The following RADIL variants were observed in gnomAD, a reference collection of about 807,000 sequenced individuals.
RADIL encodes Rap associating with DIL domain.
RADIL carries 99 observed loss-of-function variants against 97.6 expected under a neutral mutation model. The observed-to-expected ratio is 1.01, with a 90% CI of 0.86 to 1.20. The LOEUF (loss-of-function observed/expected upper bound fraction) is 1.20. Among genes scored for constraint, RADIL ranks in the 50% most tolerant of loss-of-function variants. The pLI, the probability that RADIL is intolerant of heterozygous loss-of-function variation, is 0.00. For synonymous variants in RADIL, 803 were observed against 691.8 expected (o/e 1.16, Z -2.52); for missense variants, 1,765 against 1,498.9 (o/e 1.18, Z -2.93).
chr7:4,865,811 C>T (rs1463152603), intron 2 of RADIL: 9 of 795,740 alleles, frequency 1.1e-5, no homozygotes, highest in East Asian at 2.5e-5. Flanking sequence ...ATGGCAGCAG[C>T]GGAGGCAGAA....
chr7:4,852,822 C>T (rs561744228), intron 2 of RADIL, among the ~76,000 whole-genome samples: 3 of 152,254 alleles, frequency 2.0e-5, no homozygotes, highest in Admixed American at 6.5e-5. Context: ...GGATTACAGG[C>T]GTGAGCCACC....
intron 2 of RADIL, chr7:4,860,380 C>T (rs918742845): frequency 3.7e-6 from 6 of 1,613,854 alleles, no homozygotes; most frequent in African/African-American, 2.7e-5. Context: ...CCATCTCAAA[C>T]ATCTTACTAT....
At position 4,873,849 on chromosome 7, in the gene RADIL, C is replaced by T. The variant is rs1051169221; in HGVS notation, c.535+3756G>A. Among the ~76,000 whole-genome samples the T allele has an allele frequency of 2.0e-4, 31 of 152,244 alleles. No homozygotes were observed. The highest frequency in any genetic ancestry group is 7.2e-4 in the African/African-American group (30 of 41,462). On this transcript the variant is annotated intron_variant, in intron 2 of 14. Coordinates refer to ENST00000399583, the MANE Select transcript of RADIL (RefSeq NM_018059.5). The surrounding 1 kb of genome is among the most constrained non-coding windows in gnomAD (Gnocchi z 4.3). The stretch of plus-strand genomic sequence containing the variant: ...GGTGGGTGTTAGGAAAGCCTCCCCA[C>T]CACGATTCTTCCACGTCACTCCAAC...
At position 4,801,784 on chromosome 7, in the gene RADIL, G is replaced by T; in HGVS notation, c.2711C>A (p.Thr904Lys). The T allele has an allele frequency of 6.2e-7, 1 of 1,610,224 alleles. No homozygotes were observed. The highest frequency in any genetic ancestry group is 8.5e-7 in the Non-Finnish European group (1 of 1,178,988). Reference protein sequence around the residue: ...PPHTDSSCLLTPPSTPLGPEP... With the variant: ...PPHTDSSCLLKPPSTPLGPEP... ...AGGGCCAAGTGGAGTGCTGGGAGGC[G>T]TGAGCAAGCAGGACGAGTCCGTGTG... The change falls in exon 12 of 15, where the codon ACG (threonine) becomes AAG (lysine). Residue 904 changes from threonine to lysine, a missense_variant. By Grantham distance (78) the Thr-to-Lys change is moderately conservative. Transcript: ENST00000399583.
intron 2 of RADIL, among the ~76,000 whole-genome samples, chr7:4,846,499 G>A (rs1397403157): frequency 6.7e-6 from 1 of 148,914 alleles, no homozygotes; most frequent in Non-Finnish European, 1.5e-5. Flanking sequence ...GTCTTTCCTT[G>A]CCATCTAGAA....
intron 2 of RADIL, among the ~76,000 whole-genome samples, chr7:4,856,518 G>C (rs1783834757): frequency 6.6e-6 from 1 of 152,126 alleles, no homozygotes; most frequent in African/African-American, 2.4e-5. Flanking sequence ...CTTAGGGCCT[G>C]TTTTTCAGTT....
In RADIL at chr7:4,801,879, C is replaced by A. The variant is rs1211554666; in HGVS notation, c.2616G>T (p.Arg872Ser). Reference sequence around the variant, plus strand: ...GGGGGGCCTGTGCCCAGGGAGCCCCCCTCAAGGGAAGAGTACGCTCCGGGG... The same window carrying A: ...GGGGGGCCTGTGCCCAGGGAGCCCCACTCAAGGGAAGAGTACGCTCCGGGG... ...EVAPERTLPL[R>S]GAPWAQAPPG... is the part of the protein sequence containing the mutation. The change falls in exon 12 of 15, where the codon AGG becomes AGT. Residue 872 changes from arginine (R) to serine (S), a missense_variant. Physicochemically the swap from Arg to Ser is moderately radical, Grantham distance 110 (BLOSUM62 -1). Coordinates refer to ENST00000399583, the MANE Select transcript of RADIL (RefSeq NM_018059.5). 1 of 1,589,224 alleles carries A rather than the reference C, an allele frequency of 6.3e-7. No individual in the cohort carries two copies. The highest frequency in any genetic ancestry group is 1.1e-5 in the South Asian group (1 of 88,070).
intron 11 of RADIL, among the ~76,000 whole-genome samples, chr7:4,802,423 C>A: frequency 7.0e-6 from 1 of 143,734 alleles, no homozygotes; most frequent in Non-Finnish European, 1.5e-5. Flanking sequence ...TCCCCGGGCA[C>A]CTCGGGGCAC....
At position 4,807,345 on chromosome 7, in the gene RADIL, G is replaced by A. The variant is rs188630485; in HGVS notation, c.2140-1629C>T. On this transcript the variant is annotated intron_variant, in intron 9 of 14. Coordinates refer to ENST00000399583, the MANE Select transcript of RADIL (RefSeq NM_018059.5). ...CTTCAAGAAAGCCTCTGGTTTGCCC[G>A]GGGGTGGTTCTGTTTGATTGTGAGT... 3.3e-3 allele frequency among the ~76,000 whole-genome samples: 505 copies of A among 152,102 alleles called. 3 individuals are homozygous for A. The highest frequency in any genetic ancestry group is 6.8e-3 in the Middle Eastern group (2 of 294).
Position 4,809,816 on chromosome 7 carries a change from G to A in RADIL, c.2140-4100C>T, listed in dbSNP as rs188919778. Among the ~76,000 whole-genome samples the A allele has an allele frequency of 2.0e-5, 3 of 151,936 alleles. No individual in the cohort carries two copies. In the East Asian group the frequency reaches 5.8e-4, roughly 30 times the overall value. On this transcript the variant is annotated intron_variant, in intron 9 of 14. Coordinates refer to ENST00000399583, the MANE Select transcript of RADIL (RefSeq NM_018059.5). ...ATACGTCTCAGCCTCCCGAGTAGCT[G>A]GCTAATTTTTGTATTTTTACACCAC...
intron 5 of RADIL, among the ~76,000 whole-genome samples, chr7:4,831,573 T>G (rs1290609665): frequency 7.5e-6 from 1 of 132,480 alleles, no homozygotes; most frequent in Admixed American, 7.4e-5. Context: ...ATTGTGAAGA[T>G]TCTCAAAAAA....
At chr7:4,823,628 G>A (rs574258817) in intron 5 of RADIL, among the ~76,000 whole-genome samples, 6 of 152,182 alleles carry the variant, frequency 3.9e-5, no homozygotes, top group Non-Finnish European at 7.3e-5. Flanking sequence ...TTCAGGGGAT[G>A]ACGGCATCAT....
intron 9 of RADIL, 67 bp from the exon 10 acceptor site, chr7:4,805,783 G>A: frequency 6.5e-7 from 1 of 1,540,164 alleles, no homozygotes; most frequent in Non-Finnish European, 8.8e-7. Flanking sequence ...AAGAGGGATG[G>A]CCTCCACAGG....
intron 2 of RADIL, among the ~76,000 whole-genome samples, chr7:4,852,968 G>A (rs892516197): frequency 7.2e-4 from 109 of 152,276 alleles, no homozygotes; most frequent in African/African-American, 2.5e-3. Flanking sequence ...AAGAAATAGC[G>A]CCCCAAGAGT....
intron 9 of RADIL, among the ~76,000 whole-genome samples, chr7:4,808,287 C>G (rs1358453449): frequency 1.3e-5 from 2 of 151,564 alleles, no homozygotes; most frequent in Non-Finnish European, 2.9e-5. Context: ...CTCTGCACAG[C>G]TTTTTATTTC....
At chr7:4,838,511 GC>G (rs1350703391) in intron 2 of RADIL, among the ~76,000 whole-genome samples, 1 of 152,134 alleles carries the variant, frequency 6.6e-6, no homozygotes, top group Non-Finnish European at 1.5e-5. Context: ...TGGGGCTGCA[GC>G]CCCAGGCAAG....
chr7:4,831,846 C>A (rs993860128), intron 5 of RADIL, among the ~76,000 whole-genome samples: 1 of 152,072 alleles, frequency 6.6e-6, no homozygotes, highest in Non-Finnish European at 1.5e-5. Flanking sequence ...AGAGATTGCA[C>A]CACTGCACTC....
rs912091751 is a variant in RADIL, at chr7:4,878,198, C to T, written c.-59G>A. 15 of 1,447,448 alleles carry T rather than the reference C, an allele frequency of 1.0e-5. No individual in the cohort carries two copies. Among genetic ancestry groups the T allele is most frequent in the Middle Eastern group, 2.3e-4 (1 of 4,296 alleles). 89.7% of individuals were successfully genotyped at this position (1,447,448 alleles called of 1,614,324 possible). Reference sequence around the variant, plus strand: ...CTTCAGCCAAAGGATGTGGGGAGGCCGTGACCTGGGTGAAAAAGTGAGAGA... The same window carrying T: ...CTTCAGCCAAAGGATGTGGGGAGGCTGTGACCTGGGTGAAAAAGTGAGAGA... On this transcript the variant is annotated 5_prime_UTR_variant, in exon 2 of 15. Transcript: ENST00000399583. This position sits in a 1 kb window ranked among gnomAD's most constrained non-coding sequence, Gnocchi z 4.1.
Position 4,854,067 on chromosome 7 carries a change from C to T in RADIL, c.536-17462G>A, listed in dbSNP as rs1171586470. Among the ~76,000 whole-genome samples the T allele has an allele frequency of 1.3e-5, 2 of 152,160 alleles. No individual in the cohort carries two copies. Among genetic ancestry groups the T allele is most frequent in the African/African-American group, 4.8e-5 (2 of 41,428 alleles). On this transcript the variant is annotated intron_variant, in intron 2 of 14. Transcript: ENST00000399583. This position sits in a 1 kb window ranked among gnomAD's most constrained non-coding sequence, Gnocchi z 5.1. ...AGTTTGCAGGTACACCTTTGCCATT[C>T]CCCGTCTTCCTTCTTTCTTCCTGCC... is the stretch of plus-strand genomic sequence containing the variant.
Sources: allele counts gnomAD v4.1 joint callset (sites outside exome capture counted in the v4.1 genomes callset), GRCh38; gene constraint gnomAD v4.1.1; non-coding constraint Gnocchi (gnomAD v3.1); transcripts MANE v1.5; gene names NCBI Gene and HGNC (gene_info 2026-07-23, HGNC 2026-07-21).